Variants in PTPRJ observed in about 807,000 individuals in gnomAD.
PTPRJ encodes receptor-type tyrosine-protein phosphatase eta.
Under a neutral mutation model 141.3 loss-of-function variants are expected in PTPRJ, and 129 were observed. The observed-to-expected ratio is 0.91, with a 90% CI of 0.79 to 1.06. The LOEUF (loss-of-function observed/expected upper bound fraction) is 1.06, where lower values mean the gene tolerates loss of function less well. PTPRJ is among the 50% of genes least tolerant of loss of function. The pLI is 0.00. For synonymous variants in PTPRJ, 610 were observed against 640.5 expected (o/e 0.95, Z 0.72); for missense variants, 1,601 against 1,679.7 (o/e 0.95, Z 0.82).
chr11:47,988,235 G>C (rs1375620334), intron 1 of PTPRJ, among the ~76,000 whole-genome samples: 1 of 152,238 alleles, frequency 6.6e-6, no homozygotes, highest in Non-Finnish European at 1.5e-5. Flanking sequence ...AAGACCCCTA[G>C]AGAGTATAGA....
In PTPRJ at chr11:48,127,877, T is replaced by C. The variant is rs756692177; in HGVS notation, c.1191T>C (p.Tyr397=). The change falls in exon 7 of 25, where the codon TAT becomes TAC. Residue 397 remains tyrosine, a synonymous_variant. Transcript: ENST00000418331. ...GCGATAACGAGTCGTCATCTAACTATACCTACAAGATACATGTGGCGGGGG... is the reference window on the plus strand; with the variant it reads ...GCGATAACGAGTCGTCATCTAACTACACCTACAAGATACATGTGGCGGGGG... ...KVSDNESSSN[Y]TYKIHVAGET... is the part of the protein sequence containing the mutation. The C allele has an allele frequency of 7.4e-6, 12 of 1,614,202 alleles. No homozygotes were observed. In the East Asian group the frequency reaches 2.2e-4, roughly 30 times the overall value.
At position 48,103,284 on chromosome 11, in the gene PTPRJ, C is replaced by G. The variant is rs77475461; in HGVS notation, c.97-6774C>G. Among the ~76,000 whole-genome samples, 3 of 152,154 alleles carry G rather than the reference C, an allele frequency of 2.0e-5. 1 individual carries two copies. The highest frequency in any genetic ancestry group is 7.2e-5 in the African/African-American group (3 of 41,502). On this transcript the variant is annotated intron_variant, in intron 1 of 24. Coordinates refer to ENST00000418331, the MANE Select transcript of PTPRJ (RefSeq NM_002843.4). ...GACCAGCCAGGGAAGTATAGGGAGA[C>G]CCCATTTCTACAAAAAACAAAAATA...
chr11:48,125,284 T>C (rs1174398043), intron 6 of PTPRJ, 98 bp downstream of exon 6: 10 of 1,355,752 alleles, frequency 7.4e-6, no homozygotes, highest in Non-Finnish European at 1.0e-5. Flanking sequence ...GCATAACAGC[T>C]AGTTTTGATG....
intron 1 of PTPRJ, among the ~76,000 whole-genome samples, chr11:48,093,669 A>G (rs549428633): frequency 1.3e-5 from 2 of 152,296 alleles, no homozygotes; most frequent in East Asian, 3.9e-4. Flanking sequence ...TTGATACTCT[A>G]TAATAAGCAA....
chr11:48,094,156 A>G (rs1017874176), intron 1 of PTPRJ, among the ~76,000 whole-genome samples: 1 of 152,262 alleles, frequency 6.6e-6, no homozygotes, highest in South Asian at 2.1e-4. Flanking sequence ...CAGGATGTCA[A>G]GAAGCCACAG....
At chr11:48,152,001 A>G (rs1455917731) in intron 18 of PTPRJ, among the ~76,000 whole-genome samples, 1 of 152,358 alleles carries the variant, frequency 6.6e-6, no homozygotes, top group African/African-American at 2.4e-5. Context: ...TTCTAGTTTC[A>G]TATCCTTGAG....
At chr11:48,108,958 G>A (rs563686808) in intron 1 of PTPRJ, among the ~76,000 whole-genome samples, 1 of 152,318 alleles carries the variant, frequency 6.6e-6, no homozygotes, top group South Asian at 2.1e-4. Flanking sequence ...TTCTCATGGA[G>A]CACACAGTGT....
At chr11:48,161,760 C>T (rs1412726321) in intron 22 of PTPRJ, among the ~76,000 whole-genome samples, 2 of 152,052 alleles carry the variant, frequency 1.3e-5, no homozygotes, top group Non-Finnish European at 2.9e-5. Flanking sequence ...CTACAGGCAC[C>T]TGCCACCATG....
At chr11:48,112,684 T>TG in intron 2 of PTPRJ, 63 bp from the exon 3 acceptor site, 1 of 1,178,584 alleles carries the variant, frequency 8.5e-7, no homozygotes, top group Admixed American at 1.8e-5. Context: ...TTTTGTGAGG[T>TG]GGGGCATCCC....
At chr11:48,038,016 CCTT>C (rs71678617) in intron 1 of PTPRJ, among the ~76,000 whole-genome samples, 7,780 of 151,140 alleles carry the variant, frequency 0.051, 626 homozygotes, top group African/African-American at 0.18. Flanking sequence ...TTCAGATCAT[CCTT>C]CTTTGCTTTA....
intron 10 of PTPRJ, among the ~76,000 whole-genome samples, chr11:48,139,120 G>A (rs1177186826): frequency 6.6e-6 from 1 of 152,072 alleles, no homozygotes; most frequent in Non-Finnish European, 1.5e-5. Context: ...TCGACAGAGC[G>A]AGACTCCGTC....
At chr11:48,085,089 A>G (rs1215114530) in intron 1 of PTPRJ, among the ~76,000 whole-genome samples, 2 of 152,184 alleles carry the variant, frequency 1.3e-5, no homozygotes, top group African/African-American at 2.4e-5. Context: ...ACTACTGAAA[A>G]GGCTGAGAAA....
At chr11:48,031,921 G>A (rs1394384569) in intron 1 of PTPRJ, among the ~76,000 whole-genome samples, 1 of 152,096 alleles carries the variant, frequency 6.6e-6, no homozygotes, top group Non-Finnish European at 1.5e-5. Context: ...CATTTCAAGG[G>A]TTATTTTGCT....
Position 48,158,471 on chromosome 11 carries a change from G to A in PTPRJ, c.3439-1459G>A, listed in dbSNP as rs1190361842. ...TCATAGATGAGGTAACTGAGGCTTG[G>A]GGAGTTTAAGAACTTGCCCACAAGG... On this transcript the variant is annotated intron_variant, in intron 21 of 24. Coordinates refer to ENST00000418331, the MANE Select transcript of PTPRJ (RefSeq NM_002843.4). This position sits in a 1 kb window ranked among gnomAD's most constrained non-coding sequence, Gnocchi z 4.4. Among the ~76,000 whole-genome samples, 1 of 152,144 alleles carries A rather than the reference G, an allele frequency of 6.6e-6. No individual in the cohort carries two copies. The highest frequency in any genetic ancestry group is 2.4e-5 in the African/African-American group (1 of 41,436).
intron 1 of PTPRJ, chr11:48,015,679 C>G (rs1303203367): frequency 6.6e-5 from 10 of 151,452 alleles, no homozygotes; most frequent in African/African-American, 2.4e-4. Flanking sequence ...GAGTTCAAGA[C>G]CAGTGTGGCC....
chr11:48,138,785 CTG>C (rs538025448), intron 10 of PTPRJ, among the ~76,000 whole-genome samples: 87 of 152,280 alleles, frequency 5.7e-4, no homozygotes, highest in African/African-American at 2.1e-3. Context: ...CTCTGAGCCT[CTG>C]TGGATTTATC....
At chr11:48,087,634 A>T (rs1458797433) in intron 1 of PTPRJ, among the ~76,000 whole-genome samples, 1 of 152,184 alleles carries the variant, frequency 6.6e-6, no homozygotes, top group Non-Finnish European at 1.5e-5. Context: ...AGCAAATCTG[A>T]AGCAAATCAG....
Position 48,130,525 on chromosome 11 carries a change from G to A in PTPRJ, c.1424G>A (p.Ser475Asn). ...ACGACGGAGATCGGCTTAGCATGGA[G>A]CAGCCATGATGCAGAATCATTTCAG... ...VSTTEIGLAW[S>N]SHDAESFQMH... is the part of the protein sequence containing the mutation. Residue 475 changes from serine (S) to asparagine (N), a missense_variant, in exon 8 of 25, where the codon AGC becomes AAC. Ser to Asn is a conservative substitution (Grantham distance 46). Coordinates refer to ENST00000418331, the MANE Select transcript of PTPRJ (RefSeq NM_002843.4). 1.2e-6 allele frequency: 2 copies of A among 1,614,022 alleles called. No individual in the cohort carries two copies. Among genetic ancestry groups the A allele is most frequent in the Non-Finnish European group, 1.7e-6 (2 of 1,179,926 alleles).
Position 48,167,919 on chromosome 11 carries a change from A to ATACT in PTPRJ, c.*557_*558insTACT, listed in dbSNP as rs1857957312. The ATACT allele has an allele frequency of 6.6e-6, 1 of 152,274 alleles. No homozygotes were observed. 9.4% of individuals were successfully genotyped at this position (152,274 alleles called of 1,614,324 possible). A position where few individuals can be genotyped will look rare whatever the true frequency, so the allele number is the denominator to read the frequency against. On this transcript the variant is annotated 3_prime_UTR_variant, in exon 25 of 25. Transcript: ENST00000418331. ...TATGCTTCCACAGGCAAAACTCAGT[A>ATACT]GAGATCTATATTTTTGTACTGAATC...
Sources: allele counts gnomAD v4.1 joint callset (sites outside exome capture counted in the v4.1 genomes callset), GRCh38; gene constraint gnomAD v4.1.1; non-coding constraint Gnocchi (gnomAD v3.1); transcripts MANE v1.5; gene names NCBI Gene and HGNC (gene_info 2026-07-23, HGNC 2026-07-21).